SHROOM3: variants seen among roughly 807,000 people sequenced by gnomAD.
SHROOM3 encodes shroom family member 3.
Under a neutral mutation model 138.6 loss-of-function variants are expected in SHROOM3, and 47 were observed. The observed-to-expected ratio is 0.34, with a 90% CI of 0.27 to 0.43. SHROOM3 has a LOEUF of 0.43. Among genes scored for constraint, SHROOM3 ranks in the 20% least tolerant of loss-of-function variants. The pLI is 1.00. For missense variants in SHROOM3, 2,491 were observed against 2,596.5 expected (o/e 0.96, Z 0.88); for synonymous variants, 1,062 against 1,063.3 (o/e 1.00, Z 0.02).
intron 2 of SHROOM3, among the ~76,000 whole-genome samples, chr4:76,698,585 C>T (rs1443653781): frequency 2.0e-5 from 3 of 152,162 alleles, no homozygotes; most frequent in African/African-American, 4.8e-5. Context: ...TTACCTCACT[C>T]GCTTACAAAA....
At chr4:76,455,963 T>C (rs1310528773) in intron 1 of SHROOM3, among the ~76,000 whole-genome samples, 1 of 152,000 alleles carries the variant, frequency 6.6e-6, no homozygotes, top group African/African-American at 2.4e-5. Flanking sequence ...AATGGTATAG[T>C]ATTTGCATAT....
chr4:76,503,573 C>T (rs189023881), intron 1 of SHROOM3, among the ~76,000 whole-genome samples: 6 of 152,212 alleles, frequency 3.9e-5, no homozygotes, highest in African/African-American at 1.2e-4. Flanking sequence ...GGATTACAGA[C>T]GTGGACCACC....
chr4:76,700,252 C>G (rs2110112346), intron 2 of SHROOM3, among the ~76,000 whole-genome samples: 1 of 152,304 alleles, frequency 6.6e-6, no homozygotes, highest in Non-Finnish European at 1.5e-5. Flanking sequence ...TTCTTTGAGT[C>G]TGTTTCCTCA....
chr4:76,485,843 A>T (rs542297245), intron 1 of SHROOM3, among the ~76,000 whole-genome samples: 1 of 152,198 alleles, frequency 6.6e-6, no homozygotes, highest in Non-Finnish European at 1.5e-5. Flanking sequence ...GAAATGTGTC[A>T]TAATAAATGA....
Position 76,706,001 on chromosome 4 carries a change from G to A in SHROOM3, c.324-4155G>A, listed in dbSNP as rs146984129. The stretch of plus-strand genomic sequence containing the variant: ...CTACCCTAAAACCTAACTACCAATA[G>A]CCTACTGTTGACTGGAAGCCTTACA... On this transcript the variant is annotated intron_variant, in intron 2 of 10. Transcript: ENST00000296043. 3.1e-3 allele frequency among the ~76,000 whole-genome samples: 468 copies of A among 152,250 alleles called. 3 individuals are homozygous for A. The highest frequency in any genetic ancestry group is 0.011 in the African/African-American group (441 of 41,542).
intron 9 of SHROOM3, among the ~76,000 whole-genome samples, chr4:76,762,897 C>T (rs1352124081): frequency 6.6e-6 from 1 of 152,046 alleles, no homozygotes; most frequent in Non-Finnish European, 1.5e-5. Flanking sequence ...CAGATTTTAC[C>T]TCCTCCAGGA....
At chr4:76,565,160 C>A (rs12642577) in intron 2 of SHROOM3, among the ~76,000 whole-genome samples, 112,597 of 136,648 alleles carry the variant, frequency 0.82, 45,555 homozygotes, top group African/African-American at 0.85. Flanking sequence ...GACTCCATTT[C>A]AAAAAAAAAA....
chr4:76,657,866 A>G (rs893011851), intron 2 of SHROOM3, among the ~76,000 whole-genome samples: 1 of 152,196 alleles, frequency 6.6e-6, no homozygotes, highest in African/African-American at 2.4e-5. Flanking sequence ...CCAAGGATAC[A>G]TATTCTAAGA....
intron 2 of SHROOM3, among the ~76,000 whole-genome samples, chr4:76,652,235 G>T (rs1735977257): frequency 6.6e-6 from 1 of 152,198 alleles, no homozygotes; most frequent in Admixed American, 6.5e-5. Context: ...AGACAAGAAA[G>T]ATGGCTCTTC....
At chr4:76,576,602 A>T (rs1328479458) in intron 2 of SHROOM3, among the ~76,000 whole-genome samples, 3 of 152,176 alleles carry the variant, frequency 2.0e-5, no homozygotes, top group African/African-American at 7.2e-5. Flanking sequence ...AGGTGACTAT[A>T]ATCCATAATA....
At chr4:76,616,643 A>G (rs1734887576) in intron 2 of SHROOM3, among the ~76,000 whole-genome samples, 1 of 152,206 alleles carries the variant, frequency 6.6e-6, no homozygotes, top group South Asian at 2.1e-4. Flanking sequence ...CATTGAGAGA[A>G]AAAGTAGAAT....
intron 1 of SHROOM3, among the ~76,000 whole-genome samples, chr4:76,549,375 C>G (rs1174771361): frequency 6.9e-6 from 1 of 145,822 alleles, no homozygotes; most frequent in South Asian, 2.2e-4. Flanking sequence ...ACTTTCTTTC[C>G]TTTTTTTTTT....
Position 76,745,698 on chromosome 4 carries a change from T to C in SHROOM3, c.3754-3319T>C, listed in dbSNP as rs548031145. On this transcript the variant is annotated intron_variant, in intron 5 of 10. Coordinates refer to ENST00000296043, the MANE Select transcript of SHROOM3 (RefSeq NM_020859.4). The stretch of plus-strand genomic sequence containing the variant: ...TGTTTTATAAGTATAAAATTAGTCT[T>C]GGCTGGGTGCAGTGGTGCACACCTG... 2.0e-5 allele frequency among the ~76,000 whole-genome samples: 3 copies of C among 152,352 alleles called. No homozygotes were observed. In the East Asian group the frequency reaches 5.8e-4, roughly 29 times the overall value.
intron 1 of SHROOM3, among the ~76,000 whole-genome samples, chr4:76,541,747 A>T (rs114419375): frequency 1.1e-3 from 165 of 152,208 alleles, no homozygotes; most frequent in African/African-American, 4.0e-3. Flanking sequence ...TGGGGCTGGA[A>T]CTGTCTCCCA....
At chr4:76,456,617 G>A (rs899667615) in intron 1 of SHROOM3, among the ~76,000 whole-genome samples, 3 of 152,078 alleles carry the variant, frequency 2.0e-5, no homozygotes, top group South Asian at 2.1e-4. Context: ...CAAAAACTTC[G>A]AAAAATCTAT....
intron 2 of SHROOM3, among the ~76,000 whole-genome samples, chr4:76,676,944 C>CAAAAAAAAAAAAAAAAAAAAAAAAAA (rs58270392): frequency 1.3e-5 from 1 of 79,076 alleles, no homozygotes; most frequent in African/African-American, 5.7e-5. Context: ...CTCCGTCTCA[C>CAAAAAAAAAAAAAAAAAAAAAAAAAA]AAAAAAAAAA....
Position 76,747,021 on chromosome 4 carries a change from C to T in SHROOM3, c.3754-1996C>T, listed in dbSNP as rs377097082. On this transcript the variant is annotated intron_variant, in intron 5 of 10. Coordinates refer to ENST00000296043, the MANE Select transcript of SHROOM3 (RefSeq NM_020859.4). ...TTTTGGTAGAGACGGGGTTTCACCA[C>T]GTTAGCCAGGATGATCTCGATCTCC... Among the ~76,000 whole-genome samples, 408 of 151,972 alleles carry T rather than the reference C, an allele frequency of 2.7e-3. 3 individuals are homozygous for T. Among genetic ancestry groups the T allele is most frequent in the Non-Finnish European group, 4.4e-3 (299 of 67,966 alleles).
chr4:76,455,746 G>A (rs1285272868), intron 1 of SHROOM3, among the ~76,000 whole-genome samples: 1 of 152,118 alleles, frequency 6.6e-6, no homozygotes, highest in African/African-American at 2.4e-5. Context: ...ATGAGGAAGA[G>A]TGATAATATT....
chr4:76,735,853 AAAAAAAAAAAAAAAAATATATATATAT>A (rs1425927776), intron 4 of SHROOM3, among the ~76,000 whole-genome samples: 7 of 55,594 alleles, frequency 1.3e-4, no homozygotes, highest in African/African-American at 4.8e-4. Flanking sequence ...AAAAAAAAAA[AAAAAAAAAAAAAAAAATATATATATAT>A]ATATATATAT....
Sources: allele counts gnomAD v4.1 joint callset (sites outside exome capture counted in the v4.1 genomes callset), GRCh38; gene constraint gnomAD v4.1.1; transcripts MANE v1.5; gene names NCBI Gene and HGNC (gene_info 2026-07-23, HGNC 2026-07-21).